The following SCRG1 variants were observed in gnomAD, a reference collection of about 807,000 sequenced individuals.
SCRG1 encodes scrapie-responsive protein 1.
A neutral mutation model predicts 7.7 loss-of-function variants in SCRG1; 3 were observed. The ratio of observed to expected loss-of-function variants is 0.39; its 90% CI spans 0.18 to 1.01. The LOEUF (loss-of-function observed/expected upper bound fraction) is 1.01. Ranked by LOEUF, SCRG1 falls within the 50% of genes least tolerant of loss-of-function variation. The pLI is 0.36. For synonymous variants in SCRG1, 46 were observed against 41.2 expected (o/e 1.12, Z -0.44); for missense variants, 110 against 117.2 (o/e 0.94, Z 0.28).
chr4:173,456,444 T>C, the SCRG1 span, among the ~76,000 whole-genome samples: 1 of 152,178 alleles, frequency 6.6e-6, no homozygotes, highest in Non-Finnish European at 1.5e-5. Context: ...CACCCCAAGC[T>C]TTCTCCTAGG....
At chr4:173,479,188 C>T in the SCRG1 span, among the ~76,000 whole-genome samples, 1 of 152,130 alleles carries the variant, frequency 6.6e-6, no homozygotes, top group Admixed American at 6.6e-5. Flanking sequence ...AAGGGGACTC[C>T]TGCACAGAAC....
At chr4:173,449,079 T>C in the SCRG1 span, among the ~76,000 whole-genome samples, 3 of 152,216 alleles carry the variant, frequency 2.0e-5, no homozygotes, top group Admixed American at 6.5e-5. Context: ...CCAGTGTACA[T>C]TTGGGAACTC....
chr4:173,430,608 C>T, the SCRG1 span, among the ~76,000 whole-genome samples: 1 of 151,884 alleles, frequency 6.6e-6, no homozygotes, highest in Non-Finnish European at 1.5e-5. Context: ...GGGCAACATA[C>T]TGAAACATGT....
At chr4:173,462,455 A>C in the SCRG1 span, among the ~76,000 whole-genome samples, 1 of 152,216 alleles carries the variant, frequency 6.6e-6, no homozygotes. Flanking sequence ...TAGTATATCC[A>C]GTGAAAATAT....
At chr4:173,438,755 C>CT in the SCRG1 span, among the ~76,000 whole-genome samples, 2 of 150,584 alleles carry the variant, frequency 1.3e-5, no homozygotes, top group Non-Finnish European at 3.0e-5. Flanking sequence ...TCAACTATTG[C>CT]TTTTGGGACT....
At chr4:173,456,918 T>A in the SCRG1 span, among the ~76,000 whole-genome samples, 53 of 152,186 alleles carry the variant, frequency 3.5e-4, no homozygotes, top group Non-Finnish European at 1.2e-4. Flanking sequence ...CTCTTAGGGA[T>A]TCTCAGCCTA....
chr4:173,497,444 C>A, the SCRG1 span, among the ~76,000 whole-genome samples: 14 of 152,028 alleles, frequency 9.2e-5, no homozygotes, highest in Admixed American at 5.9e-4. Context: ...GGGAAACCAC[C>A]TGTTTCACTA....
chr4:173,504,684 A>G, the SCRG1 span, among the ~76,000 whole-genome samples: 1 of 152,154 alleles, frequency 6.6e-6, no homozygotes, highest in South Asian at 2.1e-4. This position sits in a 1 kb window ranked among gnomAD's most constrained non-coding sequence, Gnocchi z 4.7. Context: ...TGATTTTTAG[A>G]GTAGTTGCCA....
chr4:173,443,402 A>G, the SCRG1 span, among the ~76,000 whole-genome samples: 3 of 152,202 alleles, frequency 2.0e-5, no homozygotes, highest in African/African-American at 7.2e-5. Context: ...ATACTGTAAT[A>G]GTGTCCATGA....
At chr4:173,467,278 T>G in the SCRG1 span, among the ~76,000 whole-genome samples, 1 of 152,194 alleles carries the variant, frequency 6.6e-6, no homozygotes, top group South Asian at 2.1e-4. Context: ...AATCATATCA[T>G]CTAGCTTTTT....
chr4:173,474,607 C>G, the SCRG1 span, among the ~76,000 whole-genome samples: 8 of 152,258 alleles, frequency 5.3e-5, no homozygotes, highest in South Asian at 1.7e-3. Flanking sequence ...ACTTGGCAAC[C>G]ATTTAACTGA....
the SCRG1 span, among the ~76,000 whole-genome samples, chr4:173,465,755 T>C: frequency 6.6e-6 from 1 of 152,096 alleles, no homozygotes; most frequent in Non-Finnish European, 1.5e-5. Flanking sequence ...AATAAATTTA[T>C]ATTCTTTTTT....
chr4:173,395,704 G>C (rs1739585622), intron 1 of SCRG1, among the ~76,000 whole-genome samples: 1 of 152,198 alleles, frequency 6.6e-6, no homozygotes. Context: ...TACAAGAACT[G>C]TGAATTTGAG....
the SCRG1 span, among the ~76,000 whole-genome samples, chr4:173,426,179 C>A: frequency 4.6e-5 from 7 of 152,208 alleles, no homozygotes; most frequent in African/African-American, 1.7e-4. Flanking sequence ...TTTAATTGGG[C>A]TTCCTGTTGT....
At chr4:173,457,012 T>C in the SCRG1 span, among the ~76,000 whole-genome samples, 1 of 152,218 alleles carries the variant, frequency 6.6e-6, no homozygotes, top group Non-Finnish European at 1.5e-5. Flanking sequence ...CTCAGAGAGA[T>C]TCTTTACTCT....
chr4:173,442,752 C>A, the SCRG1 span, among the ~76,000 whole-genome samples: 1 of 152,124 alleles, frequency 6.6e-6, no homozygotes, highest in Non-Finnish European at 1.5e-5. Flanking sequence ...CGTGGAAGGG[C>A]AAGTGAGGAC....
the SCRG1 span, among the ~76,000 whole-genome samples, chr4:173,499,250 C>A: frequency 8.5e-5 from 13 of 152,332 alleles, no homozygotes; most frequent in South Asian, 4.1e-4. The surrounding 1 kb of genome is among the most constrained non-coding windows in gnomAD (Gnocchi z 4.1). Context: ...ATGAACCCAG[C>A]CTGCACTAGG....
the SCRG1 span, among the ~76,000 whole-genome samples, chr4:173,438,175 G>A: frequency 6.6e-6 from 1 of 152,122 alleles, no homozygotes; most frequent in Non-Finnish European, 1.5e-5. Context: ...GAGTGCAGTG[G>A]CATGATCTGG....
At chr4:173,485,942 C>T in the SCRG1 span, among the ~76,000 whole-genome samples, 2 of 152,228 alleles carry the variant, frequency 1.3e-5, no homozygotes, top group South Asian at 4.1e-4. Flanking sequence ...CGCACTCCAG[C>T]CTGGGCAACA....
Sources: allele counts gnomAD v4.1 joint callset (sites outside exome capture counted in the v4.1 genomes callset), GRCh38; gene constraint gnomAD v4.1.1; non-coding constraint Gnocchi (gnomAD v3.1); transcripts MANE v1.5; gene names NCBI Gene and HGNC (gene_info 2026-07-23, HGNC 2026-07-21).